The following APOBR variants were observed in gnomAD, a reference collection of about 807,000 sequenced individuals.
APOBR encodes the protein apolipoprotein B receptor.
A neutral mutation model predicts 88.5 loss-of-function variants in APOBR; 57 were observed. That is an observed-to-expected ratio of 0.64 (90% CI 0.52 to 0.80). The LOEUF is 0.80. Among genes scored for constraint, APOBR ranks in the 30% least tolerant of loss-of-function variants. The probability of loss-of-function intolerance (pLI) is 0.00; values close to 1 mark genes in which losing one functional copy is unlikely to be tolerated. For synonymous variants in APOBR, 588 were observed against 572.7 expected (o/e 1.03, Z -0.38); for missense variants, 1,443 against 1,401.6 (o/e 1.03, Z -0.47).
Position 28,494,658 on chromosome 16 carries a change from GAC to G in APOBR, c.-18_-17del. 1 of 1,605,690 alleles carries G rather than the reference GAC, an allele frequency of 6.2e-7. No individual in the cohort carries two copies. The highest frequency in any genetic ancestry group is 8.5e-7 in the Non-Finnish European group (1 of 1,175,168). Reference sequence around the variant, plus strand: ...GGGGACGGTCATTATCAGCTTTCTGGACACACAGACAGAGACAGACAGGATGG... The same window carrying G: ...GGGGACGGTCATTATCAGCTTTCTGGACACAGACAGAGACAGACAGGATGG... On this transcript the variant is annotated 5_prime_UTR_variant, in exon 1 of 4. Transcript: ENST00000564831.
At position 28,496,954 on chromosome 16, in the gene APOBR, AG is replaced by A; in HGVS notation, c.1915del (p.Glu639ArgfsTer43). On this transcript the variant is annotated frameshift_variant, in exon 2 of 4. Transcript: ENST00000564831. LOFTEE classifies it high-confidence loss of function. The part of the protein sequence containing the change: ...TRKDMERGNT[Q>X]EDAADGEQRE... Reference sequence around the variant, plus strand: ...AAGGACATGGAGAGAGGAAATACTCAGGAGGATGCGGCCGATGGCGAGCAGC... The same window carrying A: ...AAGGACATGGAGAGAGGAAATACTCAGAGGATGCGGCCGATGGCGAGCAGC... The A allele has an allele frequency of 6.4e-7, 1 of 1,558,810 alleles. No individual in the cohort carries two copies. The highest frequency in any genetic ancestry group is 8.7e-7 in the Non-Finnish European group (1 of 1,152,144).
rs1244772590 is a variant in APOBR, at chr16:28,495,824, G to A, written c.783G>A (p.Arg261=). ...TGGAGAAGGCCTGTGAAAGCACTAG[G>A]GCATGGGGGACGTGGGGCCCAGGGG... ...VVVEKACEST[R]AWGTWGPGAE... Residue 261 remains arginine, a synonymous_variant, in exon 2 of 4, where the codon AGG becomes AGA. Transcript: ENST00000564831. 2.5e-6 allele frequency: 4 copies of A among 1,606,698 alleles called. No homozygotes were observed. Among genetic ancestry groups the A allele is most frequent in the Non-Finnish European group, 2.5e-6 (3 of 1,176,912 alleles).
rs1220662257 is a variant in APOBR at position 28,497,522 on chromosome 16, G to C, written c.2481G>C (p.Glu827Asp). Reference sequence around the variant, plus strand: ...TGACTGGCAGAGGCAGCCAAGTAGAGGCTTTTGAGTCCAGGGAGGGAGGAC... The same window carrying C: ...TGACTGGCAGAGGCAGCCAAGTAGACGCTTTTGAGTCCAGGGAGGGAGGAC... ...EEVTGRGSQV[E>D]AFESREGGPW... Residue 827 changes from glutamate (E) to aspartate (D), a missense_variant, in exon 2 of 4, where the codon GAG becomes GAC. Coordinates refer to ENST00000564831, the MANE Select transcript of APOBR (RefSeq NM_018690.4). The C allele has an allele frequency of 6.2e-7, 1 of 1,611,854 alleles. No individual in the cohort carries two copies. The highest frequency in any genetic ancestry group is 8.5e-7 in the Non-Finnish European group (1 of 1,178,988).
intron 1 of APOBR, 97 bp from the exon 2 acceptor site, chr16:28,495,002 C>T (rs2046377921): frequency 1.6e-6 from 2 of 1,218,758 alleles, no homozygotes; most frequent in Non-Finnish European, 2.2e-6. Flanking sequence ...GATCCCAGTA[C>T]CCTCTTCCTT....
In APOBR at chr16:28,497,569, C is replaced by T; in HGVS notation, c.2528C>T (p.Ala843Val). Residue 843 changes from alanine (A) to valine (V), a missense_variant, in exon 2 of 4, where the codon GCC becomes GTC. Transcript: ENST00000564831. ...GGACCTTGGGGAGGGCGGGTAGAGG[C>T]CGAGGAATCTGCAGGCGCAGAGGAC... is the stretch of plus-strand genomic sequence containing the variant. ...EGGPWGGRVE[A>V]EESAGAEDSC... 1 of 1,604,372 alleles carries T rather than the reference C, an allele frequency of 6.2e-7. No individual in the cohort carries two copies. The highest frequency in any genetic ancestry group is 8.5e-7 in the Non-Finnish European group (1 of 1,175,266).
At position 28,498,637 on chromosome 16, in the gene APOBR, A is replaced by G; in HGVS notation, c.*132A>G. ...CCTCTGGGCCTCAGTGTCTTGATGT[A>G]TCATTCATGGAGCAGGCAAAACCAG... On this transcript the variant is annotated 3_prime_UTR_variant, in exon 4 of 4. Coordinates refer to ENST00000564831, the MANE Select transcript of APOBR (RefSeq NM_018690.4). 1 of 1,067,998 alleles carries G rather than the reference A, an allele frequency of 9.4e-7. No individual in the cohort carries two copies. Among genetic ancestry groups the G allele is most frequent in the South Asian group, 1.6e-5 (1 of 63,078 alleles). 66.2% of individuals were successfully genotyped at this position (1,067,998 alleles called of 1,614,324 possible).
chr16:28,497,878 A>AT lies in APOBR; in HGVS notation c.2837_2838insT (p.Gln946HisfsTer25). 1 of 1,613,042 alleles carries AT rather than the reference A, an allele frequency of 6.2e-7. No homozygotes were observed. Among genetic ancestry groups the AT allele is most frequent in the Non-Finnish European group, 8.5e-7 (1 of 1,179,504 alleles). On this transcript the variant is annotated frameshift_variant, in exon 2 of 4. Transcript: ENST00000564831. LOFTEE classifies it high-confidence loss of function. Reference sequence around the variant, plus strand: ...GAAAGCCTGGAACATGTCAGGGGCCAGGAGGAGCAGCCAACACACCAGGCC... The same window carrying AT: ...GAAAGCCTGGAACATGTCAGGGGCCATGGAGGAGCAGCCAACACACCAGGCC...
chr16:28,496,429 T>C lies in APOBR; in HGVS notation c.1388T>C (p.Val463Ala). The change falls in exon 2 of 4, where the codon GTA becomes GCA. Residue 463 changes from valine (V) to alanine (A), a missense_variant. Val to Ala is a moderately conservative substitution (Grantham distance 64). Coordinates refer to ENST00000564831, the MANE Select transcript of APOBR (RefSeq NM_018690.4). ...QEAGESFEGQ[V>A]DLRGKEAEMR... is the part of the protein sequence containing the mutation. ...GCAGGGGAGAGCTTTGAGGGCCAGG[T>C]AGACCTGCGTGGTAAGGAGGCTGAG... 6.2e-7 allele frequency: 1 copy of C among 1,612,414 alleles called. No homozygotes were observed. Among genetic ancestry groups the C allele is most frequent in the Non-Finnish European group, 8.5e-7 (1 of 1,179,240 alleles).
chr16:28,495,313 A>T lies in APOBR; in HGVS notation c.272A>T (p.Glu91Val). The change falls in exon 2 of 4, where the codon GAA (glutamate) becomes GTA (valine). Residue 91 changes from glutamate to valine, a missense_variant. Physicochemically the swap from Glu to Val is moderately radical, Grantham distance 121. Transcript: ENST00000564831. Reference protein sequence around the residue: ...LRGPGDDRRHEVGSSAVEQTW... With the variant: ...LRGPGDDRRHVVGSSAVEQTW... ...GGGCCTGGAGATGACAGAAGACATG[A>T]AGTGGGGAGCTCAGCTGTAGAACAG... 6.5e-7 allele frequency: 1 copy of T among 1,542,934 alleles called. No homozygotes were observed. Among genetic ancestry groups the T allele is most frequent in the Non-Finnish European group, 8.7e-7 (1 of 1,145,002 alleles).
chr16:28,495,385 G>A lies in APOBR; in HGVS notation c.344G>A (p.Arg115Lys). 1 of 1,563,758 alleles carries A rather than the reference G, an allele frequency of 6.4e-7. No homozygotes were observed. Among genetic ancestry groups the A allele is most frequent in the African/African-American group, 1.4e-5 (1 of 73,752 alleles). The change falls in exon 2 of 4, where the codon AGG becomes AAG. Residue 115 changes from arginine (R) to lysine (K), a missense_variant. Physicochemically the swap from Arg to Lys is conservative, Grantham distance 26. Coordinates refer to ENST00000564831, the MANE Select transcript of APOBR (RefSeq NM_018690.4). Reference sequence around the variant, plus strand: ...AGCTCCCATGGGTCCCAAGCAGAGAGGCAGGACAGTGGGGCTGGGGAGACA... The same window carrying A: ...AGCTCCCATGGGTCCCAAGCAGAGAAGCAGGACAGTGGGGCTGGGGAGACA... ...DGSSHGSQAE[R>K]QDSGAGETAK...
Position 28,496,626 on chromosome 16 carries a change from G to C in APOBR, c.1585G>C (p.Glu529Gln). ...GGAGGCAACTCCAGAGGCCAGGCCTGAGGAGGAGCTCACAGGGGAGGAGAG... is the reference window on the plus strand; with the variant it reads ...GGAGGCAACTCCAGAGGCCAGGCCTCAGGAGGAGCTCACAGGGGAGGAGAG... ...DLEATPEARP[E>Q]EELTGEESEA... Residue 529 changes from glutamate (E) to glutamine (Q), a missense_variant, in exon 2 of 4, where the codon GAG (glutamate) becomes CAG (glutamine). Transcript: ENST00000564831. 6.9e-6 allele frequency: 11 copies of C among 1,591,340 alleles called. No individual in the cohort carries two copies. The highest frequency in any genetic ancestry group is 7.7e-6 in the Non-Finnish European group (9 of 1,167,470).
In APOBR at chr16:28,497,386, TG is replaced by T. The variant is rs1422327754; in HGVS notation, c.2347del (p.Glu783LysfsTer37). The T allele has an allele frequency of 1.9e-6, 3 of 1,612,554 alleles. No homozygotes were observed. Among genetic ancestry groups the T allele is most frequent in the Non-Finnish European group, 2.5e-6 (3 of 1,179,300 alleles). ...HISAAGAGEA[L>X]EGVLGQGWDS... The stretch of plus-strand genomic sequence containing the variant: ...AGCGCTGCTGGCGCTGGTGAAGCTT[TG>T]GAAGGGGTGCTTGGGCAAGGCTGGG... On this transcript the variant is annotated frameshift_variant, in exon 2 of 4. Transcript: ENST00000564831. LOFTEE classifies it high-confidence loss of function.
In APOBR at chr16:28,495,469, A is replaced by G; in HGVS notation, c.428A>G (p.Lys143Arg). 2 of 1,563,416 alleles carry G rather than the reference A, an allele frequency of 1.3e-6. No individual in the cohort carries two copies. The highest frequency in any genetic ancestry group is 2.4e-5 in the East Asian group (1 of 41,924). Reference sequence around the variant, plus strand: ...CACTTGGAGGCCAGAAAGAAATCCAAGGCAGGGTCTGGGGCTTGCCAAGAC... The same window carrying G: ...CACTTGGAGGCCAGAAAGAAATCCAGGGCAGGGTCTGGGGCTTGCCAAGAC... ...SAHLEARKKS[K>R]AGSGACQDRS... Residue 143 changes from lysine (K) to arginine (R), a missense_variant, in exon 2 of 4, where the codon AAG (lysine) becomes AGG (arginine). Transcript: ENST00000564831.
intron 2 of APOBR, 23 bp downstream of exon 2, chr16:28,498,019 CG>C: frequency 6.4e-7 from 1 of 1,560,036 alleles, no homozygotes; most frequent in Non-Finnish European, 8.6e-7. Flanking sequence ...GGTGGGGTCT[CG>C]GGGGGAACGA....
In APOBR at chr16:28,496,448, G is replaced by A; in HGVS notation, c.1407G>A (p.Glu469=). ...FEGQVDLRGK[E]AEMRQDLGIR... Reference sequence around the variant, plus strand: ...GCCAGGTAGACCTGCGTGGTAAGGAGGCTGAGATGAGGCAGGACTTGGGGA... The same window carrying A: ...GCCAGGTAGACCTGCGTGGTAAGGAAGCTGAGATGAGGCAGGACTTGGGGA... Residue 469 remains glutamate (E), a synonymous_variant, in exon 2 of 4, where the codon GAG becomes GAA. Transcript: ENST00000564831. 1 of 1,612,376 alleles carries A rather than the reference G, an allele frequency of 6.2e-7. No homozygotes were observed.
chr16:28,495,095 C>T lies in APOBR; in HGVS notation c.58-4C>T. 6.7e-7 allele frequency: 1 copy of T among 1,494,152 alleles called. No homozygotes were observed. Among genetic ancestry groups the T allele is most frequent in the Non-Finnish European group, 8.9e-7 (1 of 1,122,994 alleles). The allele number at this position is 1,494,152 out of a possible 1,614,324, so 92.6% of individuals were successfully genotyped here. On this transcript the variant is annotated splice_polypyrimidine_tract_variant and splice_region_variant and intron_variant, in intron 1 of 3. Coordinates refer to ENST00000564831, the MANE Select transcript of APOBR (RefSeq NM_018690.4). ...CTCTCCCCTCTCTCTCTCTTTTTTCCTAGGATTCCCTCGGCACCTTTGTCT... is the reference window on the plus strand; with the variant it reads ...CTCTCCCCTCTCTCTCTCTTTTTTCTTAGGATTCCCTCGGCACCTTTGTCT...
chr16:28,497,302 A>G lies in APOBR; in HGVS notation c.2261A>G (p.Asp754Gly). ...AVAVGLPDRE[D>G]AQTGSVAAGI... Reference sequence around the variant, plus strand: ...GCTGTGGGCCTCCCGGACCGTGAGGATGCACAGACTGGCTCTGTGGCTGCT... The same window carrying G: ...GCTGTGGGCCTCCCGGACCGTGAGGGTGCACAGACTGGCTCTGTGGCTGCT... The change falls in exon 2 of 4, where the codon GAT becomes GGT. Residue 754 changes from aspartate to glycine, a missense_variant. Asp to Gly is a moderately conservative substitution (Grantham distance 94, BLOSUM62 -1). Coordinates refer to ENST00000564831, the MANE Select transcript of APOBR (RefSeq NM_018690.4). 1 of 1,599,296 alleles carries G rather than the reference A, an allele frequency of 6.3e-7. No homozygotes were observed. The highest frequency in any genetic ancestry group is 8.5e-7 in the Non-Finnish European group (1 of 1,173,282).
rs769920621 is a variant in APOBR, at chr16:28,497,559, C to T, written c.2518C>T (p.Arg840Trp). 20 of 1,604,072 alleles carry T rather than the reference C, an allele frequency of 1.2e-5. No individual in the cohort carries two copies. The highest frequency in any genetic ancestry group is 1.0e-4 in the Admixed American group (6 of 58,768). Residue 840 changes from arginine (R) to tryptophan (W), a missense_variant, in exon 2 of 4, where the codon CGG (arginine) becomes TGG (tryptophan). Transcript: ENST00000564831. ...ESREGGPWGGRVEAEESAGAE... is the reference protein window; with the variant it reads ...ESREGGPWGGWVEAEESAGAE... ...CAGGGAGGGAGGACCTTGGGGAGGG[C>T]GGGTAGAGGCCGAGGAATCTGCAGG...
At position 28,496,669 on chromosome 16, in the gene APOBR, G is replaced by GC; in HGVS notation, c.1629dup (p.Cys544LeufsTer22). 5 of 1,606,520 alleles carry GC rather than the reference G, an allele frequency of 3.1e-6. No homozygotes were observed. The highest frequency in any genetic ancestry group is 4.3e-6 in the Non-Finnish European group (5 of 1,176,308). On this transcript the variant is annotated frameshift_variant, in exon 2 of 4. Transcript: ENST00000564831. LOFTEE classifies it high-confidence loss of function. Reference sequence around the variant, plus strand: ...GAGGAGAGTGAGGCGGCCCAGACTAGCTGTGGCCTACTGGGCGTGGAATGG... The same window carrying GC: ...GAGGAGAGTGAGGCGGCCCAGACTAGCCTGTGGCCTACTGGGCGTGGAATGG...
Sources: allele counts gnomAD v4.1 joint callset, GRCh38; gene constraint gnomAD v4.1.1; transcripts MANE v1.5; gene names NCBI Gene and HGNC (gene_info 2026-07-23, HGNC 2026-07-21).